The following ANKUB1 variants were observed in gnomAD, a reference collection of about 807,000 sequenced individuals.
ANKUB1 encodes protein ANKUB1.
In ANKUB1, 42 loss-of-function variants were observed where a neutral mutation model predicts 49.3. That is an observed-to-expected ratio of 0.85 (90% confidence interval 0.67 to 1.10). The LOEUF is 1.10. Ranked by LOEUF, ANKUB1 falls within the 50% of genes least tolerant of loss-of-function variation. The probability of loss-of-function intolerance (pLI) is 0.00; values close to 1 mark genes in which losing one functional copy is unlikely to be tolerated. For missense variants in ANKUB1, 613 were observed against 642.0 expected (o/e 0.95, Z 0.49); for synonymous variants, 222 against 231.0 (o/e 0.96, Z 0.35).
Position 149,781,386 on chromosome 3 carries a change from T to A in ANKUB1, c.235-931A>T, listed in dbSNP as rs536973368. 3.9e-5 allele frequency among the ~76,000 whole-genome samples: 6 copies of A among 152,318 alleles called. No individual in the cohort carries two copies. In the South Asian group the frequency reaches 1.2e-3, roughly 32 times the overall value. On this transcript the variant is annotated intron_variant, in intron 2 of 5. Transcript: ENST00000446160. ...ATTATTATCATTTCCACTTTTCTCA[T>A]GAAAAATGAAACTGACTTTACTTCC...
At chr3:149,775,326 A>G (rs1005385461) in intron 3 of ANKUB1, among the ~76,000 whole-genome samples, 1 of 152,176 alleles carries the variant, frequency 6.6e-6, no homozygotes, top group East Asian at 1.9e-4. Context: ...TAAAACATTG[A>G]TTAGAACTTA....
At position 149,761,551 on chromosome 3, in the gene ANKUB1, C is replaced by T. The variant is rs1322107151; in HGVS notation, c.1568G>A (p.Ser523Asn). 5 of 1,551,426 alleles carry T rather than the reference C, an allele frequency of 3.2e-6. No individual in the cohort carries two copies. Among genetic ancestry groups the T allele is most frequent in the African/African-American group, 1.4e-5 (1 of 73,134 alleles). Residue 523 changes from serine (S) to asparagine (N), a missense_variant, in exon 6 of 6, where the codon AGC becomes AAC. Ser to Asn is a conservative substitution (Grantham distance 46). Transcript: ENST00000446160. ...TCCTCGGGTAGTCAAGTTAGAAATG[C>T]TCTTTTTGGCCAGGACTCTTGCTAT... is the stretch of plus-strand genomic sequence containing the variant. ...LEIARVLAKKSISNLTTRGGL... is the reference protein window; with the variant it reads ...LEIARVLAKKNISNLTTRGGL...
chr3:149,767,710 GTTTTA>G lies in ANKUB1; in HGVS notation c.947_951del (p.Ile316ThrfsTer13). 1.3e-6 allele frequency: 2 copies of G among 1,551,598 alleles called. No individual in the cohort carries two copies. The highest frequency in any genetic ancestry group is 1.7e-6 in the Non-Finnish European group (2 of 1,146,970). The stretch of plus-strand genomic sequence containing the variant: ...TGACTCTGAGCTCTGAGGATCCATT[GTTTTA>G]TTTTAATATAAATCCTCATTGGGAC... On this transcript the variant is annotated frameshift_variant, in exon 5 of 6. Transcript: ENST00000446160. LOFTEE classifies it high-confidence loss of function.
Position 149,761,248 on chromosome 3 carries a change from A to G in ANKUB1, c.*236T>C, listed in dbSNP as rs1007999687. 6 of 385,068 alleles carry G rather than the reference A, an allele frequency of 1.6e-5. No homozygotes were observed. The highest frequency in any genetic ancestry group is 2.8e-5 in the Non-Finnish European group (6 of 218,076). 23.9% of individuals were successfully genotyped at this position (385,068 alleles called of 1,614,324 possible). On this transcript the variant is annotated 3_prime_UTR_variant, in exon 6 of 6. Coordinates refer to ENST00000446160, the MANE Select transcript of ANKUB1 (RefSeq NM_001144960.3). ...CTCCCCTACCCTGTGGACAACTACTATTCTAAGTTTCTTCTGAATTCTTCC... is the reference window on the plus strand; with the variant it reads ...CTCCCCTACCCTGTGGACAACTACTGTTCTAAGTTTCTTCTGAATTCTTCC...
At chr3:149,791,932 C>G (rs543297662) in intron 1 of ANKUB1, among the ~76,000 whole-genome samples, 1 of 152,226 alleles carries the variant, frequency 6.6e-6, no homozygotes, top group African/African-American at 2.4e-5. Context: ...ACTGGCATGT[C>G]CCACGTATAT....
Position 149,767,948 on chromosome 3 carries a change from A to G in ANKUB1, c.714T>C (p.Asp238=). Reference sequence around the variant, plus strand: ...CTGCATGAATGGGGCATTTAGAGACATCTGCATGAAGGGCTTCATGGCACC... The same window carrying G: ...CTGCATGAATGGGGCATTTAGAGACGTCTGCATGAAGGGCTTCATGGCACC... ...RAWCHEALHA[D]VSKCPIHAAA... Residue 238 remains aspartate, a synonymous_variant, in exon 5 of 6, where the codon GAT becomes GAC. Transcript: ENST00000446160. The G allele has an allele frequency of 6.5e-7, 1 of 1,547,482 alleles. No individual in the cohort carries two copies. The highest frequency in any genetic ancestry group is 1.2e-5 in the South Asian group (1 of 83,946).
chr3:149,782,825 C>T (rs1374793370), intron 2 of ANKUB1, among the ~76,000 whole-genome samples: 1 of 152,218 alleles, frequency 6.6e-6, no homozygotes, highest in Non-Finnish European at 1.5e-5. Flanking sequence ...CAGGAGTGAG[C>T]TTCTGTGCCC....
chr3:149,770,299 G>GC (rs1273131913), intron 4 of ANKUB1, among the ~76,000 whole-genome samples: 1 of 152,182 alleles, frequency 6.6e-6, no homozygotes, highest in Non-Finnish European at 1.5e-5. Context: ...CCTAACCCCT[G>GC]CATTGTTCAA....
At chr3:149,768,876 C>T (rs1228780394) in intron 4 of ANKUB1, among the ~76,000 whole-genome samples, 1 of 152,134 alleles carries the variant, frequency 6.6e-6, no homozygotes, top group African/African-American at 2.4e-5. Context: ...TTAGTTTCCT[C>T]ATGTGTAAAA....
chr3:149,790,649 C>A (rs1036279824), intron 2 of ANKUB1, 132 bp downstream of exon 2: 2 of 884,030 alleles, frequency 2.3e-6, no homozygotes, highest in Non-Finnish European at 3.4e-6. Flanking sequence ...ACCTGTTATA[C>A]AAATGGAAGT....
At chr3:149,791,064 TCTTAA>T (rs2108284424) in intron 1 of ANKUB1, 140 bp from the exon 2 acceptor site, 1 of 775,242 alleles carries the variant, frequency 1.3e-6, no homozygotes, top group Non-Finnish European at 1.9e-6. Context: ...AAATAGGGGT[TCTTAA>T]CTTAGAGAAC....
At chr3:149,766,720 C>G in intron 5 of ANKUB1, 1 of 723,636 alleles carries the variant, frequency 1.4e-6, no homozygotes, top group Non-Finnish European at 2.3e-6. Context: ...ATTGCTTGAG[C>G]CTAGGAATTC....
rs117530770 is a variant in ANKUB1, at chr3:149,788,052, C to T, written c.234+2729G>A. 7.6e-4 allele frequency among the ~76,000 whole-genome samples: 116 copies of T among 152,316 alleles called. 1 individual carries two copies. In the East Asian group the frequency reaches 0.02, roughly 26 times the overall value. The stretch of plus-strand genomic sequence containing the variant: ...TTCATTCCCTCCCTTACTGTGGCAT[C>T]TTCCATCTCTCTCAAGGCAAACTAA... On this transcript the variant is annotated intron_variant, in intron 2 of 5. Coordinates refer to ENST00000446160, the MANE Select transcript of ANKUB1 (RefSeq NM_001144960.3).
At chr3:149,784,302 G>A (rs149893633) in intron 2 of ANKUB1, among the ~76,000 whole-genome samples, 2 of 152,174 alleles carry the variant, frequency 1.3e-5, no homozygotes, top group Admixed American at 6.5e-5. Context: ...CCCATTTCAC[G>A]CTCTGAAAAG....
chr3:149,785,460 T>C (rs1718052413), intron 2 of ANKUB1, among the ~76,000 whole-genome samples: 1 of 151,900 alleles, frequency 6.6e-6, no homozygotes, highest in African/African-American at 2.4e-5. Flanking sequence ...CCACCCTGTG[T>C]CCAAGTGTTC....
intron 3 of ANKUB1, among the ~76,000 whole-genome samples, chr3:149,776,689 A>G (rs566381895): frequency 1.3e-5 from 2 of 152,170 alleles, no homozygotes; most frequent in East Asian, 3.8e-4. Flanking sequence ...GGCCAGGTGC[A>G]GTAGCTCACT....
chr3:149,777,500 CA>C (rs1553743228), intron 3 of ANKUB1, among the ~76,000 whole-genome samples: 23 of 151,330 alleles, frequency 1.5e-4, no homozygotes, highest in Admixed American at 1.5e-3. Flanking sequence ...ACAACAACAA[CA>C]AAAAAACACT....
At chr3:149,775,618 G>A (rs1056752960) in intron 3 of ANKUB1, among the ~76,000 whole-genome samples, 7 of 152,120 alleles carry the variant, frequency 4.6e-5, no homozygotes, top group African/African-American at 1.4e-4. Context: ...TGCCCAGGCA[G>A]CCATGAATAT....
At chr3:149,791,385 A>G (rs944741239) in intron 1 of ANKUB1, among the ~76,000 whole-genome samples, 2 of 152,226 alleles carry the variant, frequency 1.3e-5, no homozygotes, top group South Asian at 2.1e-4. Flanking sequence ...TCACTATATC[A>G]TACATTTGCT....
Sources: gnomAD v4.1 joint callset for allele counts (sites outside exome capture counted in the v4.1 genomes callset) on GRCh38, gnomAD v4.1.1 for gene constraint, MANE v1.5 for transcripts, NCBI Gene and HGNC (gene_info 2026-07-23, HGNC 2026-07-21) for gene names.